Variants in C2orf76 observed in about 807,000 individuals in gnomAD.
C2orf76 encodes the protein chromosome 2 open reading frame 76.
In C2orf76, 23 loss-of-function variants were observed where a neutral mutation model predicts 16.9. That is an observed-to-expected ratio of 1.36 (90% CI 0.98 to 1.93). C2orf76 has a LOEUF of 1.93. Among genes scored for constraint, C2orf76 ranks in the 30% most tolerant of loss-of-function variants. The pLI is 0.00. For synonymous variants in C2orf76, 48 were observed against 52.3 expected (o/e 0.92, Z 0.35); for missense variants, 152 against 152.6 (o/e 1.00, Z 0.02).
the C2orf76 span, among the ~76,000 whole-genome samples, chr2:119,290,307 C>G: frequency 1.3e-5 from 2 of 152,018 alleles, no homozygotes. Flanking sequence ...GCATTTAACA[C>G]AGAAGCCATA....
chr2:119,315,161 C>A (rs191961022), intron 4 of C2orf76, among the ~76,000 whole-genome samples: 3 of 152,008 alleles, frequency 2.0e-5, no homozygotes, highest in Non-Finnish European at 4.4e-5. Context: ...TATAAACACA[C>A]CACTGATTAC....
chr2:119,361,351 G>A (rs573212430), intron 1 of C2orf76, among the ~76,000 whole-genome samples: 1 of 152,246 alleles, frequency 6.6e-6, no homozygotes, highest in South Asian at 2.1e-4. Flanking sequence ...CTCTTACTGT[G>A]CCTAATTTAA....
At chr2:119,311,540 G>A (rs1257393098) in intron 5 of C2orf76, 82 bp downstream of exon 5, 2 of 1,538,130 alleles carry the variant, frequency 1.3e-6, no homozygotes, top group East Asian at 2.3e-5. Context: ...ACTTTCCAGT[G>A]AGTTATCCAA....
the C2orf76 span, among the ~76,000 whole-genome samples, chr2:119,291,534 C>G: frequency 6.6e-6 from 1 of 151,940 alleles, no homozygotes; most frequent in Non-Finnish European, 1.5e-5. Context: ...GTGCTCAGGG[C>G]TGGCTGAATC....
At chr2:119,366,480 C>T in intron 1 of C2orf76, 1 of 471,820 alleles carries the variant, frequency 2.1e-6, no homozygotes, top group Non-Finnish European at 4.4e-6. Context: ...TTCGGGAGAC[C>T]AGTCCAGCTT....
the C2orf76 span, among the ~76,000 whole-genome samples, chr2:119,282,885 C>T: frequency 3.3e-4 from 50 of 152,316 alleles, no homozygotes; most frequent in Non-Finnish European, 6.0e-4. Context: ...CACTAACCAC[C>T]CCCGCTTCAC....
At chr2:119,294,868 G>A in the C2orf76 span, among the ~76,000 whole-genome samples, 1 of 152,182 alleles carries the variant, frequency 6.6e-6, no homozygotes, top group African/African-American at 2.4e-5. Context: ...CCTGGGGCCA[G>A]AGGGGTCCGG....
chr2:119,341,175 T>C (rs147546449), intron 1 of C2orf76, among the ~76,000 whole-genome samples: 21 of 152,266 alleles, frequency 1.4e-4, no homozygotes, highest in Middle Eastern at 3.4e-3. Flanking sequence ...TTTTTTTTAA[T>C]CTTGTTTTGT....
At chr2:119,298,505 C>T (rs1395375116), downstream of C2orf76, among the ~76,000 whole-genome samples, 1 of 151,834 alleles carries the variant, frequency 6.6e-6, no homozygotes, top group Non-Finnish European at 1.5e-5. Context: ...ATCTAGTAGG[C>T]AACCACCCTT....
At chr2:119,335,351 G>A (rs1679814507) in intron 2 of C2orf76, among the ~76,000 whole-genome samples, 1 of 152,072 alleles carries the variant, frequency 6.6e-6, no homozygotes, top group African/African-American at 2.4e-5. Flanking sequence ...CACTAAAAAA[G>A]AACTGAGACT....
chr2:119,299,116 T>C (rs939948484), downstream of C2orf76, among the ~76,000 whole-genome samples: 1 of 151,812 alleles, frequency 6.6e-6, no homozygotes, highest in Non-Finnish European at 1.5e-5. Context: ...CGGGGTTTCA[T>C]CCTGTTGCCC....
chr2:119,305,016 C>T (rs997924812), intron 5 of C2orf76, among the ~76,000 whole-genome samples: 2 of 152,218 alleles, frequency 1.3e-5, no homozygotes, highest in Non-Finnish European at 2.9e-5. Flanking sequence ...TCCCCCAGGG[C>T]ACCTGATTTT....
intron 1 of C2orf76, among the ~76,000 whole-genome samples, chr2:119,345,697 CAGCGTTATCAAATAGCTGA>C (rs1173234127): frequency 2.1e-4 from 32 of 152,256 alleles, no homozygotes; most frequent in African/African-American, 7.7e-4. Flanking sequence ...GACAGTATTT[CAGCGTTATCAAATAGCTGA>C]TGAAAAAAAG....
chr2:119,362,271 C>T (rs1680768828), intron 1 of C2orf76, among the ~76,000 whole-genome samples: 1 of 152,100 alleles, frequency 6.6e-6, no homozygotes, highest in Non-Finnish European at 1.5e-5. Flanking sequence ...ATCAGTAAGA[C>T]TTCGAATCAA....
At chr2:119,322,292 G>A (rs964059438) in intron 2 of C2orf76, among the ~76,000 whole-genome samples, 1 of 151,830 alleles carries the variant, frequency 6.6e-6, no homozygotes, top group Admixed American at 6.6e-5. Flanking sequence ...CTGCAGCCTC[G>A]ACCTCCCAGA....
chr2:119,346,699 T>C (rs1345277412), intron 1 of C2orf76, among the ~76,000 whole-genome samples: 2 of 152,194 alleles, frequency 1.3e-5, no homozygotes, highest in Non-Finnish European at 2.9e-5. Flanking sequence ...ATCCTTGTGA[T>C]GGAAATGTTC....
chr2:119,362,820 T>C (rs922175735), intron 1 of C2orf76, among the ~76,000 whole-genome samples: 1 of 152,102 alleles, frequency 6.6e-6, no homozygotes, highest in Non-Finnish European at 1.5e-5. Flanking sequence ...CCAAGTTGGC[T>C]AGGCAAAAAG....
downstream of C2orf76, among the ~76,000 whole-genome samples, chr2:119,301,704 GTAT>G (rs955336180): frequency 1.1e-4 from 16 of 152,262 alleles, no homozygotes; most frequent in African/African-American, 3.6e-4. Flanking sequence ...GGAACCACAA[GTAT>G]TATATTATTT....
At chr2:119,347,994 T>C (rs1680257467) in intron 1 of C2orf76, among the ~76,000 whole-genome samples, 1 of 144,104 alleles carries the variant, frequency 6.9e-6, no homozygotes, top group South Asian at 2.2e-4. Context: ...AGCTATGTAC[T>C]GTGCTCCACA....
Sources: allele counts gnomAD v4.1 joint callset (sites outside exome capture counted in the v4.1 genomes callset), GRCh38; gene constraint gnomAD v4.1.1; transcripts MANE v1.5; gene names NCBI Gene and HGNC (gene_info 2026-07-23, HGNC 2026-07-21).